The following CDH4 variants were observed in gnomAD, a reference collection of about 807,000 sequenced individuals.
CDH4 encodes the protein cadherin 4.
In CDH4, 33 loss-of-function variants were observed where a neutral mutation model predicts 86.0. That is an observed-to-expected ratio of 0.38 (90% CI 0.29 to 0.51). CDH4 has a LOEUF of 0.51. Ranked by LOEUF, CDH4 falls within the 20% of genes least tolerant of loss-of-function variation. The pLI, the probability that CDH4 is intolerant of heterozygous loss-of-function variation, is 0.86. For missense variants in CDH4, 1,114 were observed against 1,307.4 expected (o/e 0.85, Z 2.28); for synonymous variants, 555 against 549.4 (o/e 1.01, Z -0.14).
chr20:61,442,810 C>G (rs1195646031), intron 2 of CDH4, among the ~76,000 whole-genome samples: 4 of 152,220 alleles, frequency 2.6e-5, no homozygotes, highest in African/African-American at 9.6e-5. Flanking sequence ...TGTGGGAATG[C>G]ATGTCTTGGG....
chr20:61,914,059 G>A (rs537395956), intron 9 of CDH4, among the ~76,000 whole-genome samples: 9 of 152,262 alleles, frequency 5.9e-5, no homozygotes, highest in Admixed American at 1.3e-4. Context: ...TGCGAGCCAC[G>A]TTCGTAGCTA....
intron 2 of CDH4, among the ~76,000 whole-genome samples, chr20:61,495,289 G>C (rs892544302): frequency 2.0e-5 from 3 of 152,194 alleles, no homozygotes; most frequent in African/African-American, 4.8e-5. Context: ...AGGCACCTGA[G>C]GGGGAGCCGA....
intron 2 of CDH4, among the ~76,000 whole-genome samples, chr20:61,633,141 C>T (rs1043167859): frequency 5.3e-5 from 8 of 150,152 alleles, no homozygotes; most frequent in Non-Finnish European, 1.0e-4. Context: ...CATGCATCCT[C>T]CCATCCATCC....
chr20:61,277,397 T>C (rs1310740049), intron 2 of CDH4, among the ~76,000 whole-genome samples: 1 of 152,128 alleles, frequency 6.6e-6, no homozygotes, highest in South Asian at 2.1e-4. Flanking sequence ...ATGTGTTAGA[T>C]AGCAGCGAGA....
intron 2 of CDH4, among the ~76,000 whole-genome samples, chr20:61,629,660 C>T (rs185957123): frequency 5.9e-5 from 9 of 152,320 alleles, no homozygotes; most frequent in Admixed American, 3.9e-4. Context: ...TTTTTCCAGC[C>T]TTAACAGAGG....
At chr20:61,548,924 C>A (rs886616027) in intron 2 of CDH4, among the ~76,000 whole-genome samples, 13 of 151,554 alleles carry the variant, frequency 8.6e-5, no homozygotes, top group Admixed American at 7.9e-4. Context: ...AGAGCTGATG[C>A]CTTCAGAGAG....
At chr20:61,387,441 G>T (rs62642813) in intron 2 of CDH4, among the ~76,000 whole-genome samples, 1 of 148,732 alleles carries the variant, frequency 6.7e-6, no homozygotes, top group South Asian at 2.2e-4. Flanking sequence ...CACACAAACA[G>T]AGAAACACAC....
At chr20:61,600,019 G>A in intron 2 of CDH4, 12 of 902,942 alleles carry the variant, frequency 1.3e-5, no homozygotes, top group African/African-American at 1.8e-5. Flanking sequence ...GGGAAAGTGT[G>A]AAGGGTTTAT....
At chr20:61,345,968 A>G (rs2123290591) in intron 2 of CDH4, among the ~76,000 whole-genome samples, 1 of 152,342 alleles carries the variant, frequency 6.6e-6, no homozygotes, top group East Asian at 1.9e-4. Context: ...GCATTCTGGC[A>G]GCACGTTCTC....
At chr20:61,727,196 T>A (rs567344982) in intron 2 of CDH4, among the ~76,000 whole-genome samples, 1 of 143,436 alleles carries the variant, frequency 7.0e-6, no homozygotes, top group Non-Finnish European at 1.5e-5. Flanking sequence ...ACCATCAGAG[T>A]CATCATCTTC....
In CDH4 at chr20:61,910,449, G is replaced by A. The variant is rs151072387; in HGVS notation, c.1216G>A (p.Val406Met). 30 of 1,613,746 alleles carry A rather than the reference G, an allele frequency of 1.9e-5. No homozygotes were observed. The highest frequency in any genetic ancestry group is 1.6e-4 in the Middle Eastern group (1 of 6,062). ...TFAGEVPENR[V>M]ETVVANLTVM... is the part of the protein sequence containing the mutation. ...TGCAGGGGAGGTCCCCGAAAACCGC[G>A]TGGAGACCGTGGTCGCAAACCTCAC... Residue 406 changes from valine (V) to methionine (M), a missense_variant, in exon 9 of 16, where the codon GTG becomes ATG. Physicochemically the swap from Val to Met is conservative, Grantham distance 21. This residue lies in a region of CDH4 where 705 missense variants were observed against 914.1 expected (regional missense o/e 0.77). Coordinates refer to ENST00000614565, the MANE Select transcript of CDH4 (RefSeq NM_001794.5).
Position 61,664,047 on chromosome 20 carries a change from T to C in CDH4, c.170-79516T>C, listed in dbSNP as rs117881471. Reference sequence around the variant, plus strand: ...CAGGTGCTGAGGGGTCCAAGGGCATTGTGTGGGGGCTGACCGGGCCTCAGT... The same window carrying C: ...CAGGTGCTGAGGGGTCCAAGGGCATCGTGTGGGGGCTGACCGGGCCTCAGT... On this transcript the variant is annotated intron_variant, in intron 2 of 15. Transcript: ENST00000614565. Among the ~76,000 whole-genome samples the C allele has an allele frequency of 1.8e-4, 28 of 152,110 alleles. No individual in the cohort carries two copies. In the East Asian group the frequency reaches 4.8e-3, roughly 26 times the overall value.
chr20:61,339,144 T>C (rs2084635961), intron 2 of CDH4, among the ~76,000 whole-genome samples: 1 of 152,234 alleles, frequency 6.6e-6, no homozygotes, highest in Non-Finnish European at 1.5e-5. Flanking sequence ...CAAAATGGTA[T>C]TGTTTATATG....
At chr20:61,519,331 A>T (rs577079456) in intron 2 of CDH4, among the ~76,000 whole-genome samples, 80 of 152,352 alleles carry the variant, frequency 5.3e-4, no homozygotes, top group African/African-American at 1.9e-3. Context: ...GTCATTTCCC[A>T]GCACTGTGTT....
chr20:61,789,679 C>T (rs570325749), intron 4 of CDH4, among the ~76,000 whole-genome samples: 1 of 152,332 alleles, frequency 6.6e-6, no homozygotes, highest in South Asian at 2.1e-4. Flanking sequence ...CGGGGCATGC[C>T]AGCGCCTCAG....
chr20:61,816,908 C>A (rs1441837255), intron 4 of CDH4, among the ~76,000 whole-genome samples: 1 of 152,212 alleles, frequency 6.6e-6, no homozygotes, highest in African/African-American at 2.4e-5. Flanking sequence ...CTGTGTGTGC[C>A]ACCCATTCTC....
intron 8 of CDH4, among the ~76,000 whole-genome samples, chr20:61,903,859 G>A (rs1277681974): frequency 6.6e-6 from 1 of 152,204 alleles, no homozygotes; most frequent in Non-Finnish European, 1.5e-5. Flanking sequence ...CCAAAATGCT[G>A]TCATTCTGTT....
chr20:61,934,918 G>A (rs941345692), intron 15 of CDH4, among the ~76,000 whole-genome samples: 3 of 152,346 alleles, frequency 2.0e-5, no homozygotes, highest in Middle Eastern at 3.4e-3. Context: ...TTGAAACATC[G>A]CTTACAATGT....
chr20:61,784,097 A>C (rs112341645), intron 4 of CDH4, among the ~76,000 whole-genome samples: 245 of 2,948 alleles, frequency 0.083, 9 homozygotes, highest in Middle Eastern at 0.17. Flanking sequence ...GACAGTTCTC[A>C]AGGCCCTCAG....
Sources: allele counts gnomAD v4.1 joint callset (sites outside exome capture counted in the v4.1 genomes callset), GRCh38; gene constraint gnomAD v4.1.1; regional missense constraint gnomAD v4.1.1; transcripts MANE v1.5; gene names NCBI Gene and HGNC (gene_info 2026-07-23, HGNC 2026-07-21).